CSMD1: variants seen among roughly 807,000 people sequenced by gnomAD.
CSMD1 encodes CUB and sushi domain-containing protein 1.
In CSMD1, 213 loss-of-function variants were observed where a neutral mutation model predicts 417.5. The ratio of observed to expected loss-of-function variants is 0.51; its 90% CI spans 0.46 to 0.57. The LOEUF (loss-of-function observed/expected upper bound fraction) is 0.57, where lower values mean the gene tolerates loss of function less well. Among genes scored for constraint, CSMD1 ranks in the 20% least tolerant of loss-of-function variants. CSMD1 has a pLI of 0.00. For synonymous variants in CSMD1, 2,862 were observed against 1,736.8 expected, an observed-to-expected ratio of 1.65 and a Z score of -16.11; for missense variants, 6,923 against 4,529.7, an observed-to-expected ratio of 1.53 and a Z score of -15.17.
intron 3 of CSMD1, among the ~76,000 whole-genome samples, chr8:4,235,761 C>A (rs1017562751): frequency 6.6e-6 from 1 of 152,128 alleles, no homozygotes; most frequent in African/African-American, 2.4e-5. Context: ...ATGTGTCCCC[C>A]ATCTGGACCC....
intron 10 of CSMD1, among the ~76,000 whole-genome samples, chr8:3,530,578 G>A (rs1797934657): frequency 6.6e-6 from 1 of 152,186 alleles, no homozygotes; most frequent in Non-Finnish European, 1.5e-5. Flanking sequence ...CTGGAATGCA[G>A]GGGTGTGAGC....
chr8:3,731,243 A>G (rs1277036886), intron 6 of CSMD1, among the ~76,000 whole-genome samples: 2 of 152,158 alleles, frequency 1.3e-5, no homozygotes, highest in African/African-American at 4.8e-5. Flanking sequence ...CCCAGCAAAC[A>G]ATGACGTGCA....
chr8:2,967,820 G>A lies in CSMD1; in HGVS notation c.8924-1074C>T, dbSNP rs577025447. 8.2e-3 allele frequency among the ~76,000 whole-genome samples: 1,246 copies of A among 152,304 alleles called. 16 individuals carry two copies. Among genetic ancestry groups the A allele is most frequent in the African/African-American group, 0.027 (1,121 of 41,572 alleles). ...TGCAAAATTTGCTCAGCACAGAGAA[G>A]TCACTGTACTGGGAGTCGAGGGACT... On this transcript the variant is annotated intron_variant, in intron 57 of 69. Coordinates refer to ENST00000635120, the MANE Select transcript of CSMD1 (RefSeq NM_033225.6).
At chr8:4,026,023 A>AC (rs894519060) in intron 4 of CSMD1, among the ~76,000 whole-genome samples, 7 of 151,906 alleles carry the variant, frequency 4.6e-5, no homozygotes, top group South Asian at 2.1e-4. Context: ...AAAAAAAAAA[A>AC]AACTCTTCAA....
At chr8:4,751,710 A>G (rs12541886) in intron 1 of CSMD1, among the ~76,000 whole-genome samples, 72,685 of 151,874 alleles carry the variant, frequency 0.48, 17,730 homozygotes, top group East Asian at 0.62. Context: ...ACACAGACCA[A>G]TTTTATTTTC....
At chr8:4,643,235 A>C (rs938780092) in intron 1 of CSMD1, among the ~76,000 whole-genome samples, 1 of 152,232 alleles carries the variant, frequency 6.6e-6, no homozygotes, top group African/African-American at 2.4e-5. Flanking sequence ...TTGGTGGAAA[A>C]ATAAACCTTA....
intron 2 of CSMD1, among the ~76,000 whole-genome samples, chr8:4,522,887 T>G (rs569264024): frequency 2.0e-5 from 3 of 152,312 alleles, no homozygotes; most frequent in Admixed American, 2.0e-4. Flanking sequence ...AGGAGCTTAC[T>G]TCCATAATCC....
intron 8 of CSMD1, among the ~76,000 whole-genome samples, chr8:3,597,692 T>C (rs376469718): frequency 2.0e-5 from 3 of 152,164 alleles, no homozygotes; most frequent in Non-Finnish European, 4.4e-5. Context: ...TGCAGGGACA[T>C]GGATGAAACT....
chr8:4,419,903 T>G (rs1337676386), intron 3 of CSMD1, 50 bp downstream of exon 3: 2 of 1,190,786 alleles, frequency 1.7e-6, no homozygotes, highest in African/African-American at 1.5e-5. Context: ...TAGCATGTAT[T>G]AGATCATTTG....
At chr8:3,776,822 A>G (rs1798916508) in intron 5 of CSMD1, among the ~76,000 whole-genome samples, 1 of 151,366 alleles carries the variant, frequency 6.6e-6, no homozygotes, top group Non-Finnish European at 1.5e-5. Context: ...ATATATATAT[A>G]TACAGATGAC....
intron 2 of CSMD1, among the ~76,000 whole-genome samples, chr8:4,552,463 C>T (rs971729358): frequency 6.6e-6 from 1 of 151,940 alleles, no homozygotes; most frequent in Admixed American, 6.6e-5. Context: ...GAAATAGTAC[C>T]AAGAACAGAT....
At chr8:4,406,282 C>G (rs1034733067) in intron 3 of CSMD1, among the ~76,000 whole-genome samples, 3 of 152,212 alleles carry the variant, frequency 2.0e-5, no homozygotes, top group Admixed American at 6.5e-5. Flanking sequence ...TAGTGCAATT[C>G]AAACAAAACA....
At chr8:4,181,460 C>G (rs1269160591) in intron 3 of CSMD1, among the ~76,000 whole-genome samples, 1 of 152,018 alleles carries the variant, frequency 6.6e-6, no homozygotes, top group South Asian at 2.1e-4. Context: ...TTGGGTCACA[C>G]AGAAAATACA....
intron 5 of CSMD1, among the ~76,000 whole-genome samples, chr8:3,768,093 T>C (rs551529008): frequency 3.3e-5 from 5 of 152,320 alleles, no homozygotes; most frequent in African/African-American, 1.2e-4. Flanking sequence ...TAGAGTCATA[T>C]ATTTAAAGAC....
chr8:3,369,693 A>T (rs1056312085), intron 18 of CSMD1, among the ~76,000 whole-genome samples: 2 of 152,226 alleles, frequency 1.3e-5, no homozygotes, highest in Non-Finnish European at 2.9e-5. Context: ...TCTTCTTAGC[A>T]GCACTTCATT....
chr8:4,938,673 T>A (rs1486786511), intron 1 of CSMD1, among the ~76,000 whole-genome samples: 1 of 152,144 alleles, frequency 6.6e-6, no homozygotes, highest in African/African-American at 2.4e-5. Flanking sequence ...GGATCAAGCC[T>A]CATGATAATG....
intron 2 of CSMD1, among the ~76,000 whole-genome samples, chr8:4,460,817 G>T (rs1287657009): frequency 1.3e-5 from 2 of 152,050 alleles, no homozygotes; most frequent in Non-Finnish European, 2.9e-5. Flanking sequence ...AGGCTCAAAT[G>T]GCTTCACTGG....
intron 3 of CSMD1, among the ~76,000 whole-genome samples, chr8:4,362,743 G>A (rs969868060): frequency 7.2e-5 from 11 of 152,240 alleles, no homozygotes; most frequent in African/African-American, 2.4e-4. Context: ...TGTGTAATCA[G>A]TTTTTACTTA....
At chr8:4,939,711 T>G (rs1807854218) in intron 1 of CSMD1, among the ~76,000 whole-genome samples, 1 of 152,094 alleles carries the variant, frequency 6.6e-6, no homozygotes, top group African/African-American at 2.4e-5. Flanking sequence ...AAGGAATAAT[T>G]TCAAGTGATC....
Sources: allele counts gnomAD v4.1 joint callset (sites outside exome capture counted in the v4.1 genomes callset), GRCh38; gene constraint gnomAD v4.1.1; transcripts MANE v1.5; gene names NCBI Gene and HGNC (gene_info 2026-07-23, HGNC 2026-07-21).